SLIT3: variants seen among roughly 807,000 people sequenced by gnomAD.
The protein encoded by SLIT3 is slit guidance ligand 3.
In SLIT3, 68 loss-of-function variants were observed where a neutral mutation model predicts 184.0. The ratio of observed to expected loss-of-function variants is 0.37; its 90% confidence interval spans 0.30 to 0.45. The LOEUF (loss-of-function observed/expected upper bound fraction) is 0.45. Ranked by LOEUF, SLIT3 falls within the 20% of genes least tolerant of loss-of-function variation. SLIT3 has a pLI of 1.00. For synonymous variants in SLIT3, 831 were observed against 828.6 expected (o/e 1.00, Z -0.05); for missense variants, 1,707 against 2,026.0 (o/e 0.84, Z 3.02).
intron 9 of SLIT3, among the ~76,000 whole-genome samples, chr5:168,801,979 G>A (rs758095289): frequency 6.6e-6 from 1 of 152,050 alleles, no homozygotes; most frequent in African/African-American, 2.4e-5. Flanking sequence ...CTAAAGTTGG[G>A]GAGTGCAGAG....
At chr5:169,042,221 C>T (rs1757470110) in intron 4 of SLIT3, among the ~76,000 whole-genome samples, 1 of 152,156 alleles carries the variant, frequency 6.6e-6, no homozygotes, top group African/African-American at 2.4e-5. Flanking sequence ...CATACAGAAA[C>T]ACTTTAATCA....
At chr5:168,890,147 A>AG (rs1301525222) in intron 4 of SLIT3, among the ~76,000 whole-genome samples, 1 of 151,286 alleles carries the variant, frequency 6.6e-6, no homozygotes, top group Non-Finnish European at 1.5e-5. Flanking sequence ...TAAAAAAAAA[A>AG]AAAAAAAAAA....
intron 3 of SLIT3, among the ~76,000 whole-genome samples, chr5:169,225,459 G>A (rs1427173378): frequency 1.3e-5 from 2 of 152,242 alleles, no homozygotes; most frequent in African/African-American, 4.8e-5. Flanking sequence ...ACATCACCAA[G>A]TGTGGGTTCC....
intron 4 of SLIT3, among the ~76,000 whole-genome samples, chr5:168,925,523 C>T (rs764256274): frequency 6.6e-6 from 1 of 152,204 alleles, no homozygotes; most frequent in Non-Finnish European, 1.5e-5. Flanking sequence ...CAGGCAGATA[C>T]TGAATCACAA....
At chr5:169,157,104 A>T (rs1371306245) in intron 4 of SLIT3, among the ~76,000 whole-genome samples, 1 of 152,196 alleles carries the variant, frequency 6.6e-6, no homozygotes, top group Non-Finnish European at 1.5e-5. Context: ...TCCCTGCTGG[A>T]GTAGTATCAG....
At chr5:169,006,672 C>A (rs1755946103) in intron 4 of SLIT3, among the ~76,000 whole-genome samples, 1 of 151,194 alleles carries the variant, frequency 6.6e-6, no homozygotes, top group Admixed American at 6.6e-5. Flanking sequence ...CTAGTGTTTA[C>A]TATTAGAAAC....
chr5:169,200,195 G>A (rs879481402), intron 3 of SLIT3, among the ~76,000 whole-genome samples: 1 of 152,240 alleles, frequency 6.6e-6, no homozygotes, highest in African/African-American at 2.4e-5. Flanking sequence ...TAGGGCCTGG[G>A]CATGGCCCAC....
At chr5:169,036,165 T>G (rs1235716210) in intron 4 of SLIT3, 1 of 152,182 alleles carries the variant, frequency 6.6e-6, no homozygotes, top group African/African-American at 2.4e-5. Flanking sequence ...GCATCCAAAG[T>G]GTTGGGTCCG....
chr5:168,761,920 A>ATTTTTT (rs546743393), intron 15 of SLIT3, among the ~76,000 whole-genome samples: 6 of 115,598 alleles, frequency 5.2e-5, no homozygotes, highest in African/African-American at 2.0e-4. Context: ...AAAAAAAAAA[A>ATTTTTT]ATTTTTTTTT....
chr5:169,093,011 G>A (rs544879724), intron 4 of SLIT3, among the ~76,000 whole-genome samples: 7 of 152,280 alleles, frequency 4.6e-5, no homozygotes, highest in Middle Eastern at 3.4e-3. Flanking sequence ...TCTGGAAAAC[G>A]GTTTTCAATA....
chr5:169,035,646 G>GAAA, intron 4 of SLIT3, among the ~76,000 whole-genome samples: 1 of 101,554 alleles, frequency 9.8e-6, no homozygotes, highest in African/African-American at 4.6e-5. Context: ...GACTGCATCT[G>GAAA]GAAAAAAAAA....
chr5:168,670,445 C>G (rs1178583726), intron 34 of SLIT3, among the ~76,000 whole-genome samples: 2 of 152,184 alleles, frequency 1.3e-5, no homozygotes, highest in Non-Finnish European at 2.9e-5. Flanking sequence ...AACCTCTTGT[C>G]TGCTGCTCCT....
At chr5:169,191,958 T>C (rs953361815) in intron 4 of SLIT3, among the ~76,000 whole-genome samples, 19 of 152,144 alleles carry the variant, frequency 1.2e-4, no homozygotes, top group African/African-American at 4.3e-4. Context: ...ATGTCTCAGA[T>C]GAATAGTATA....
chr5:168,789,514 C>T (rs376871926), intron 11 of SLIT3, 46 bp downstream of exon 11: 265 of 1,470,474 alleles, frequency 1.8e-4, no homozygotes, highest in Non-Finnish European at 2.4e-4. Flanking sequence ...TTCCCTCCAG[C>T]GCCCCCCCTC....
At chr5:168,987,977 A>G (rs534189535) in intron 4 of SLIT3, among the ~76,000 whole-genome samples, 39 of 152,224 alleles carry the variant, frequency 2.6e-4, no homozygotes, top group Admixed American at 6.5e-4. Context: ...TCAACTGCAC[A>G]TTAAGGTGTT....
chr5:168,914,342 G>C (rs901516464), intron 4 of SLIT3, among the ~76,000 whole-genome samples: 1 of 152,190 alleles, frequency 6.6e-6, no homozygotes, highest in African/African-American at 2.4e-5. Flanking sequence ...CCCGGAACTA[G>C]AGCTAATGTT....
At chr5:168,832,872 G>A (rs1484295718) in intron 6 of SLIT3, among the ~76,000 whole-genome samples, 1 of 152,118 alleles carries the variant, frequency 6.6e-6, no homozygotes, top group Non-Finnish European at 1.5e-5. Flanking sequence ...TGGCTTGCAG[G>A]TGCCAGTTTT....
chr5:169,165,083 G>T (rs1395578721), intron 4 of SLIT3, among the ~76,000 whole-genome samples: 2 of 152,268 alleles, frequency 1.3e-5, no homozygotes, highest in South Asian at 2.1e-4. Flanking sequence ...CTAGCAGAGT[G>T]CCTGGCACAT....
At chr5:168,774,142 C>T (rs1755657470) in intron 13 of SLIT3, 93 bp downstream of exon 13, 5 of 1,264,166 alleles carry the variant, frequency 4.0e-6, no homozygotes, top group Non-Finnish European at 4.4e-6. Context: ...CCTGGATGTG[C>T]TCGTGCTGCC....
Sources: allele counts gnomAD v4.1 joint callset (sites outside exome capture counted in the v4.1 genomes callset), GRCh38; gene constraint gnomAD v4.1.1; transcripts MANE v1.5; gene names NCBI Gene and HGNC (gene_info 2026-07-23, HGNC 2026-07-21).